Variants in GHITM observed in about 807,000 individuals in gnomAD.
GHITM encodes the protein growth hormone-inducible transmembrane protein.
In GHITM, 24 loss-of-function variants were observed where a neutral mutation model predicts 38.7. That is an observed-to-expected ratio of 0.62 (90% confidence interval 0.45 to 0.87). GHITM has a LOEUF of 0.87. Ranked by LOEUF, GHITM falls within the 40% of genes least tolerant of loss-of-function variation. GHITM has a pLI of 0.00. For missense variants in GHITM, 420 were observed against 429.8 expected (o/e 0.98, Z 0.20); for synonymous variants, 154 against 147.8 (o/e 1.04, Z -0.30).
Position 84,144,869 on chromosome 10 carries a change from T to G in GHITM, c.342-6T>G. On this transcript the variant is annotated splice_polypyrimidine_tract_variant and splice_region_variant and intron_variant, in intron 4 of 8. Coordinates refer to ENST00000372134, the MANE Select transcript of GHITM (RefSeq NM_014394.3). ...TCATAGATTAATCATGTCATGTTTCTTACAGAATTTGGCCTCAGTATGTCA... is the reference window on the plus strand; with the variant it reads ...TCATAGATTAATCATGTCATGTTTCGTACAGAATTTGGCCTCAGTATGTCA... The G allele has an allele frequency of 6.4e-7, 1 of 1,561,802 alleles. No homozygotes were observed.
intron 6 of GHITM, 37 bp from the exon 7 acceptor site, chr10:84,150,018 T>G: frequency 7.1e-7 from 1 of 1,407,274 alleles, no homozygotes; most frequent in East Asian, 2.5e-5. Context: ...TGCTTGTTAT[T>G]TAGTAAATAC....
At chr10:84,140,979 T>C (rs776089476) in intron 1 of GHITM, among the ~76,000 whole-genome samples, 5 of 152,242 alleles carry the variant, frequency 3.3e-5, no homozygotes, top group Non-Finnish European at 5.9e-5. Context: ...TTTTAATACC[T>C]TTTAGCTTTG....
At chr10:84,143,922 C>G in intron 3 of GHITM, 73 bp from the exon 4 acceptor site, 1 of 996,104 alleles carries the variant, frequency 1.0e-6, no homozygotes, top group Non-Finnish European at 1.6e-6. Flanking sequence ...TGATTTGATT[C>G]CCTTGATAAA....
chr10:84,146,295 G>A (rs766417143), intron 5 of GHITM, among the ~76,000 whole-genome samples: 1 of 152,138 alleles, frequency 6.6e-6, no homozygotes, highest in African/African-American at 2.4e-5. Flanking sequence ...CAACAAAAGC[G>A]TGATTTATAT....
intron 2 of GHITM, 39 bp downstream of exon 2, chr10:84,141,668 C>G (rs1298938047): frequency 2.5e-6 from 4 of 1,603,682 alleles, no homozygotes; most frequent in Non-Finnish European, 3.4e-6. Flanking sequence ...GCTTCTTTTT[C>G]CATTTGTGCC....
In GHITM at chr10:84,144,870, T is replaced by C. The variant is rs1470333811; in HGVS notation, c.342-5T>C. ...CATAGATTAATCATGTCATGTTTCT[T>C]ACAGAATTTGGCCTCAGTATGTCAA... On this transcript the variant is annotated splice_polypyrimidine_tract_variant and splice_region_variant and intron_variant, in intron 4 of 8. Transcript: ENST00000372134. The C allele has an allele frequency of 6.4e-7, 1 of 1,562,080 alleles. No individual in the cohort carries two copies. The highest frequency in any genetic ancestry group is 8.7e-7 in the Non-Finnish European group (1 of 1,146,254).
intron 8 of GHITM, among the ~76,000 whole-genome samples, chr10:84,152,006 T>C (rs938111752): frequency 5.3e-5 from 8 of 152,204 alleles, no homozygotes; most frequent in African/African-American, 1.9e-4. Context: ...CTTTGCAAGT[T>C]GATATATGCA....
At chr10:84,144,266 A>G (rs1360798032) in intron 4 of GHITM, among the ~76,000 whole-genome samples, 160 bp downstream of exon 4, 1 of 152,230 alleles carries the variant, frequency 6.6e-6, no homozygotes, top group Non-Finnish European at 1.5e-5. Context: ...CTTCTTTGAC[A>G]TTTATTTATT....
At chr10:84,142,549 A>G (rs1841517365) in intron 2 of GHITM, 106 bp from the exon 3 acceptor site, 1 of 570,868 alleles carries the variant, frequency 1.8e-6, no homozygotes, top group African/African-American at 1.9e-5. Context: ...GAAAGTACCA[A>G]GTTTCTTTAA....
At chr10:84,141,697 A>G in intron 2 of GHITM, 68 bp downstream of exon 2, 1 of 1,474,568 alleles carries the variant, frequency 6.8e-7, no homozygotes, top group Non-Finnish European at 9.5e-7. Flanking sequence ...TTGGCAGAGT[A>G]TGGCTGCTCT....
At position 84,150,694 on chromosome 10, in the gene GHITM, G is replaced by A. The variant is rs368398297; in HGVS notation, c.782-15G>A. ...CTTTTTTAAAAAAAATCTTGTTTTC[G>A]CATTTTGATTTCAGGATCTATGTTT... is the stretch of plus-strand genomic sequence containing the variant. On this transcript the variant is annotated splice_polypyrimidine_tract_variant and intron_variant, in intron 7 of 8. Transcript: ENST00000372134. The A allele has an allele frequency of 2.1e-5, 32 of 1,560,818 alleles. No individual in the cohort carries two copies. The highest frequency in any genetic ancestry group is 1.9e-4 in the African/African-American group (14 of 72,462).
At chr10:84,142,328 A>G (rs1039141534) in intron 2 of GHITM, among the ~76,000 whole-genome samples, 1 of 152,236 alleles carries the variant, frequency 6.6e-6, no homozygotes, top group African/African-American at 2.4e-5. Flanking sequence ...TCACCCTGGT[A>G]TTTGGTTAGG....
At chr10:84,148,202 G>C (rs1841575363) in intron 5 of GHITM, among the ~76,000 whole-genome samples, 1 of 152,108 alleles carries the variant, frequency 6.6e-6, no homozygotes, top group Non-Finnish European at 1.5e-5. Context: ...GGCAGTAGGG[G>C]GCACTCGTGC....
At position 84,152,393 on chromosome 10, in the gene GHITM, T is replaced by C. The variant is rs780205061; in HGVS notation, c.*45T>C. 49 of 1,069,130 alleles carry C rather than the reference T, an allele frequency of 4.6e-5. No individual in the cohort carries two copies. The highest frequency in any genetic ancestry group is 2.0e-4 in the Middle Eastern group (1 of 5,002). 66.2% of individuals were successfully genotyped at this position (1,069,130 alleles called of 1,614,324 possible). ...TCTCTGCTACATCAAATATCTTGTT[T>C]AATGGGGCAGATATGCATTAAATAG... On this transcript the variant is annotated 3_prime_UTR_variant, in exon 9 of 9. Coordinates refer to ENST00000372134, the MANE Select transcript of GHITM (RefSeq NM_014394.3).
chr10:84,144,076 C>G lies in GHITM; in HGVS notation c.311C>G (p.Ser104Cys), dbSNP rs2132736809. 6.2e-7 allele frequency: 1 copy of G among 1,612,890 alleles called. No homozygotes were observed. Among genetic ancestry groups the G allele is most frequent in the East Asian group, 2.2e-5 (1 of 44,866 alleles). ...GALCYYGLGL[S>C]NEIGAIEKAV... ...TTGTGCTACTATGGCTTGGGACTGT[C>G]TAATGAGATTGGAGCTATTGAAAAG... The change falls in exon 4 of 9, where the codon TCT becomes TGT. Residue 104 changes from serine to cysteine, a missense_variant. Physicochemically the swap from Ser to Cys is moderately radical, Grantham distance 112. Transcript: ENST00000372134.
intron 7 of GHITM, 142 bp downstream of exon 7, chr10:84,150,385 G>C (rs1841599480): frequency 1.5e-6 from 1 of 658,960 alleles, no homozygotes; most frequent in African/African-American, 1.8e-5. Context: ...TTTACTACCT[G>C]ACATCATATA....
At chr10:84,151,010 G>A (rs1354205170) in intron 8 of GHITM, 130 bp downstream of exon 8, 3 of 574,478 alleles carry the variant, frequency 5.2e-6, no homozygotes, top group Non-Finnish European at 9.2e-6. Context: ...CAGACTGGGT[G>A]GCTTAAAACA....
chr10:84,150,962 T>C, intron 8 of GHITM, 82 bp downstream of exon 8: 1 of 941,210 alleles, frequency 1.1e-6, no homozygotes, highest in Non-Finnish European at 1.7e-6. Context: ...GGTTTATGGC[T>C]GTATTAGTTT....
intron 4 of GHITM, 82 bp downstream of exon 4, chr10:84,144,188 C>A: frequency 1.2e-6 from 1 of 808,616 alleles, no homozygotes; most frequent in Non-Finnish European, 2.2e-6. Flanking sequence ...TCATTCCTAT[C>A]TTTAGTCACT....
Sources: gnomAD v4.1 joint callset for allele counts (sites outside exome capture counted in the v4.1 genomes callset) on GRCh38, gnomAD v4.1.1 for gene constraint, MANE v1.5 for transcripts, NCBI Gene and HGNC (gene_info 2026-07-23, HGNC 2026-07-21) for gene names.